SZT2: variants seen among roughly 807,000 people sequenced by gnomAD.
SZT2 encodes KICSTOR complex protein SZT2.
A neutral mutation model predicts 404.2 loss-of-function variants in SZT2; 216 were observed. The ratio of observed to expected loss-of-function variants is 0.53; its 90% CI spans 0.48 to 0.60. SZT2 has a LOEUF of 0.60. SZT2 is among the 20% of genes least tolerant of loss of function. The pLI, the probability that SZT2 is intolerant of heterozygous loss-of-function variation, is 0.00. For synonymous variants in SZT2, 1,693 were observed against 1,749.9 expected (o/e 0.97, Z 0.81); for missense variants, 3,857 against 4,459.2 (o/e 0.86, Z 3.85).
Position 43,451,980 on chromosome 1 carries a change from T to TCA in SZT2, c.*1500_*1501insCA. On this transcript the variant is annotated 3_prime_UTR_variant, in exon 72 of 72. Transcript: ENST00000634258. ...AAGTACTGGGGGTCAGTGATGCGGGTGTTGATGGGCTCCAGCAGTCCCACG... is the reference window on the plus strand; with the variant it reads ...AAGTACTGGGGGTCAGTGATGCGGGTCAGTTGATGGGCTCCAGCAGTCCCACG... 6.2e-7 allele frequency: 1 copy of TCA among 1,610,916 alleles called. No individual in the cohort carries two copies. Among genetic ancestry groups the TCA allele is most frequent in the South Asian group, 1.1e-5 (1 of 90,868 alleles).
chr1:43,391,314 CAAAAAA>C (rs1362276058), intron 1 of SZT2, among the ~76,000 whole-genome samples: 1 of 125,952 alleles, frequency 7.9e-6, no homozygotes, highest in Admixed American at 8.0e-5. Flanking sequence ...AACTCCGTCT[CAAAAAA>C]AAAAAAAAGT....
rs185716038 is a variant in SZT2 at position 43,424,462 on chromosome 1, G to A, written c.2471+30G>A. 1.1e-5 allele frequency: 18 copies of A among 1,592,202 alleles called. No individual in the cohort carries two copies. The highest frequency in any genetic ancestry group is 4.0e-5 in the African/African-American group (3 of 74,700). ...GTCATCCAAGCCTGCCAGGTCACTCGGGGCAAGGAGAGAGCAAGTGTAGAC... is the reference window on the plus strand; with the variant it reads ...GTCATCCAAGCCTGCCAGGTCACTCAGGGCAAGGAGAGAGCAAGTGTAGAC... On this transcript the variant is annotated intron_variant, in intron 16 of 71. Transcript: ENST00000634258. This position sits in a 1 kb window ranked among gnomAD's most constrained non-coding sequence, Gnocchi z 4.1.
intron 1 of SZT2, among the ~76,000 whole-genome samples, 197 bp downstream of exon 1, chr1:43,390,192 G>A (rs1166737714): frequency 1.3e-5 from 2 of 152,234 alleles, no homozygotes; most frequent in Non-Finnish European, 2.9e-5. Flanking sequence ...TTTCCTCGGG[G>A]AGCTAAAGGA....
At chr1:43,400,916 G>A (rs1322914869) in intron 1 of SZT2, among the ~76,000 whole-genome samples, 1 of 151,812 alleles carries the variant, frequency 6.6e-6, no homozygotes, top group African/African-American at 2.4e-5. Flanking sequence ...ATAGTTAACT[G>A]TAATAAATAG....
intron 1 of SZT2, among the ~76,000 whole-genome samples, chr1:43,399,571 C>T (rs1649426122): frequency 6.6e-6 from 1 of 150,950 alleles, no homozygotes; most frequent in Non-Finnish European, 1.5e-5. Flanking sequence ...ACGCCATTCT[C>T]CTGCGTCAGC....
rs774440503 is a variant in SZT2 at position 43,420,897 on chromosome 1, G to C, written c.1410G>C (p.Leu470Phe). The C allele has an allele frequency of 6.3e-7, 1 of 1,598,458 alleles. No homozygotes were observed. Among genetic ancestry groups the C allele is most frequent in the Non-Finnish European group, 8.5e-7 (1 of 1,179,812 alleles). Residue 470 changes from leucine (L) to phenylalanine (F), a missense_variant, in exon 10 of 72, where the codon TTG (leucine) becomes TTC (phenylalanine). This residue lies in a region of SZT2 where 536 missense variants were observed against 637.4 expected (regional missense o/e 0.84). Transcript: ENST00000634258. This position sits in a 1 kb window ranked among gnomAD's most constrained non-coding sequence, Gnocchi z 5.1. ...CGATGGAAGGCGGCTACGACATTTT[G>C]CATGATGTGTCCTGTGCACTAAGGC... ...EVTMEGGYDI[L>F]HDVSCALRQP...
chr1:43,392,414 C>CTTTT (rs1287158167), intron 1 of SZT2, among the ~76,000 whole-genome samples: 6 of 133,240 alleles, frequency 4.5e-5, no homozygotes, highest in Non-Finnish European at 8.2e-5. Flanking sequence ...AAAAGTTAAG[C>CTTTT]TTTTTTTTTT....
At position 43,426,858 on chromosome 1, in the gene SZT2, C is replaced by T; in HGVS notation, c.3309+49C>T. On this transcript the variant is annotated intron_variant, in intron 23 of 71. Coordinates refer to ENST00000634258, the MANE Select transcript of SZT2 (RefSeq NM_001365999.1). The surrounding 1 kb of genome is among the most constrained non-coding windows in gnomAD (Gnocchi z 4.9). ...AGCCCTTGTCACACTGACCTCCTTC[C>T]AGCACCACATCTTCAGGCCCCAACC... 1 of 1,589,372 alleles carries T rather than the reference C, an allele frequency of 6.3e-7. No homozygotes were observed. The highest frequency in any genetic ancestry group is 8.6e-7 in the Non-Finnish European group (1 of 1,160,282).
At chr1:43,395,968 GA>G (rs769461314) in intron 1 of SZT2, among the ~76,000 whole-genome samples, 1 of 152,216 alleles carries the variant, frequency 6.6e-6, no homozygotes, top group Admixed American at 6.5e-5. Context: ...ATAATAGGCT[GA>G]ATTTATCCAA....
chr1:43,440,853 CACAA>C (rs1188043431), intron 52 of SZT2, among the ~76,000 whole-genome samples: 4 of 152,330 alleles, frequency 2.6e-5, no homozygotes, highest in Non-Finnish European at 5.9e-5. Flanking sequence ...CTGGGCAACA[CACAA>C]ACACTCTGTC....
intron 1 of SZT2, among the ~76,000 whole-genome samples, chr1:43,398,990 G>T (rs1349680661): frequency 6.6e-6 from 1 of 151,880 alleles, no homozygotes; most frequent in Non-Finnish European, 1.5e-5. Flanking sequence ...TGAGGTGGGA[G>T]AATCGCTTGA....
In SZT2 at chr1:43,424,032, GA is replaced by G. The variant is rs1478515793; in HGVS notation, c.2256-183del. Among the ~76,000 whole-genome samples, 1 of 151,626 alleles carries G rather than the reference GA, an allele frequency of 6.6e-6. No homozygotes were observed. Among genetic ancestry groups the G allele is most frequent in the Non-Finnish European group, 1.5e-5 (1 of 67,872 alleles). On this transcript the variant is annotated intron_variant, in intron 15 of 71. Coordinates refer to ENST00000634258, the MANE Select transcript of SZT2 (RefSeq NM_001365999.1). This position sits in a 1 kb window ranked among gnomAD's most constrained non-coding sequence, Gnocchi z 4.1. ...CGGGTATGAGTGGTACAGAGGTGTGGAAGGGCGTGGCTTAGCCGGGTATGAG... is the reference window on the plus strand; with the variant it reads ...CGGGTATGAGTGGTACAGAGGTGTGGAGGGCGTGGCTTAGCCGGGTATGAG...
Position 43,431,915 on chromosome 1 carries a change from C to T in SZT2, c.5274+14C>T. Reference sequence around the variant, plus strand: ...CAATTCAAGGAGGTAAGTTGCCCTCCAAACACTGCAGGGTCACCTTGGGGC... The same window carrying T: ...CAATTCAAGGAGGTAAGTTGCCCTCTAAACACTGCAGGGTCACCTTGGGGC... On this transcript the variant is annotated intron_variant, in intron 36 of 71. Transcript: ENST00000634258. 1.9e-6 allele frequency: 3 copies of T among 1,613,764 alleles called. No homozygotes were observed. Among genetic ancestry groups the T allele is most frequent in the South Asian group, 2.2e-5 (2 of 91,056 alleles).
chr1:43,427,206 C>A (rs1388074921), intron 24 of SZT2, 27 bp downstream of exon 24: 10 of 1,612,172 alleles, frequency 6.2e-6, no homozygotes, highest in African/African-American at 1.3e-5. Context: ...TCCTCACGAA[C>A]CCCCTCAGAT....
Position 43,430,806 on chromosome 1 carries a change from C to T in SZT2, c.4774+17C>T. 1.3e-6 allele frequency: 2 copies of T among 1,599,404 alleles called. No individual in the cohort carries two copies. Among genetic ancestry groups the T allele is most frequent in the Non-Finnish European group, 1.7e-6 (2 of 1,172,440 alleles). ...CCTGCCTGGGTGAGTTTGAGGCAGC[C>T]CGAGGGAAAGCCAAAGGTCCTGGAA... On this transcript the variant is annotated intron_variant, in intron 32 of 71. Coordinates refer to ENST00000634258, the MANE Select transcript of SZT2 (RefSeq NM_001365999.1).
chr1:43,431,943 G>T (rs771265273), intron 36 of SZT2, 42 bp downstream of exon 36: 1 of 1,605,226 alleles, frequency 6.2e-7, no homozygotes, highest in South Asian at 1.1e-5. Context: ...CTTGGGGCCC[G>T]TCCTTCCCTG....
intron 12 of SZT2, 94 bp downstream of exon 12, chr1:43,422,319 A>C (rs1398010903): frequency 4.7e-6 from 7 of 1,499,156 alleles, no homozygotes; most frequent in Non-Finnish European, 6.2e-6. Context: ...ATGAGCTCTT[A>C]CCAACTGTGG....
In SZT2 at chr1:43,422,725, TC is replaced by T. The variant is rs1212565740; in HGVS notation, c.1923-42del. 3.7e-6 allele frequency: 5 copies of T among 1,345,032 alleles called. No homozygotes were observed. The South Asian group carries it at 6.2e-5, about 17-fold the overall frequency. The allele number at this position is 1,345,032 out of a possible 1,614,324, so 83.3% of individuals were successfully genotyped here. A position where few individuals can be genotyped will look rare whatever the true frequency, so the allele number is the denominator to read the frequency against. On this transcript the variant is annotated intron_variant, in intron 13 of 71. Transcript: ENST00000634258. ...TCTAACCCCAGACCTCACTGCTACT[TC>T]CTGCCAACCTTGGGCTGCTCACTGA... is the stretch of plus-strand genomic sequence containing the variant.
At position 43,404,700 on chromosome 1, in the gene SZT2, C is replaced by G. The variant is rs952708206; in HGVS notation, c.498+150C>G. Reference sequence around the variant, plus strand: ...GTTTTCTAGTCATCCTCATGAGTCTCTCTCTCCTTGAGAAGAACCAGTTCC... The same window carrying G: ...GTTTTCTAGTCATCCTCATGAGTCTGTCTCTCCTTGAGAAGAACCAGTTCC... On this transcript the variant is annotated intron_variant, in intron 4 of 71. Coordinates refer to ENST00000634258, the MANE Select transcript of SZT2 (RefSeq NM_001365999.1). 6 of 750,812 alleles carry G rather than the reference C, an allele frequency of 8.0e-6. No homozygotes were observed. The Admixed American group carries it at 8.9e-5, about 11-fold the overall frequency. 46.5% of individuals were successfully genotyped at this position (750,812 alleles called of 1,614,324 possible).
Sources: allele counts gnomAD v4.1 joint callset (sites outside exome capture counted in the v4.1 genomes callset), GRCh38; gene constraint gnomAD v4.1.1; regional missense constraint gnomAD v4.1.1; non-coding constraint Gnocchi (gnomAD v3.1); transcripts MANE v1.5; gene names NCBI Gene and HGNC (gene_info 2026-07-23, HGNC 2026-07-21).